The following RBM38 variants were observed in gnomAD, a reference collection of about 807,000 sequenced individuals.
RBM38 encodes RNA-binding protein 38.
Under a neutral mutation model 23.5 loss-of-function variants are expected in RBM38, and 11 were observed. The observed-to-expected ratio is 0.47, with a 90% CI of 0.29 to 0.77. The LOEUF is 0.77. Ranked by LOEUF, RBM38 falls within the 30% of genes least tolerant of loss-of-function variation. RBM38 has a pLI of 0.08. For synonymous variants in RBM38, 165 were observed against 166.1 expected (o/e 0.99, Z 0.05); for missense variants, 330 against 351.9 (o/e 0.94, Z 0.50).
intron 3 of RBM38, among the ~76,000 whole-genome samples, chr20:57,397,708 C>A (rs553972159): frequency 4.6e-5 from 7 of 152,332 alleles, no homozygotes; most frequent in African/African-American, 1.4e-4. Flanking sequence ...GGGAGAATGT[C>A]GACAGCTACT....
intron 3 of RBM38, among the ~76,000 whole-genome samples, chr20:57,403,443 G>A (rs6014990): frequency 0.048 from 7,250 of 152,178 alleles, 532 homozygotes; most frequent in African/African-American, 0.16. Flanking sequence ...GGTGTGGCCC[G>A]TGCTGTGCCT....
chr20:57,393,313 C>T lies in RBM38; in HGVS notation c.396C>T (p.Thr132=). 1 of 1,613,888 alleles carries T rather than the reference C, an allele frequency of 6.2e-7. No homozygotes were observed. Among genetic ancestry groups the T allele is most frequent in the Non-Finnish European group, 8.5e-7 (1 of 1,179,844 alleles). Residue 132 remains threonine, a synonymous_variant, in exon 3 of 4, where the codon ACC becomes ACT. Transcript: ENST00000356208. ...TTGGGGTGCAGCAGCTGCACCCCAC[C>T]TTGATCCAGCGGACTTACGGGTGAG... ...FAIGVQQLHP[T]LIQRTYGLTP... is the part of the protein sequence containing the mutation.
chr20:57,405,603 A>G (rs111428884), intron 3 of RBM38, among the ~76,000 whole-genome samples: 2 of 152,196 alleles, frequency 1.3e-5, no homozygotes, highest in African/African-American at 4.8e-5. Context: ...CTTCCCACAC[A>G]CTTCCCAGAT....
rs1224485122 is a variant in RBM38, at chr20:57,391,744, G to A, written c.163G>A (p.Glu55Lys). The A allele has an allele frequency of 1.3e-6, 2 of 1,568,398 alleles. No homozygotes were observed. The highest frequency in any genetic ancestry group is 1.7e-6 in the Non-Finnish European group (2 of 1,157,366). ...TTDASLRKYFEGFGDIEEAVV... is the reference protein window; with the variant it reads ...TTDASLRKYFKGFGDIEEAVV... ...CGACGCCTCGCTCAGGAAGTACTTCGAGGGCTTCGGCGACATCGAGGAGGC... is the reference window on the plus strand; with the variant it reads ...CGACGCCTCGCTCAGGAAGTACTTCAAGGGCTTCGGCGACATCGAGGAGGC... Residue 55 changes from glutamate to lysine, a missense_variant, in exon 1 of 4, where the codon GAG (glutamate) becomes AAG (lysine). By Grantham distance (56) the Glu-to-Lys change is moderately conservative. Transcript: ENST00000356208.
At position 57,391,800 on chromosome 20, in the gene RBM38, G is replaced by C; in HGVS notation, c.219G>C (p.Lys73Asn). Residue 73 changes from lysine to asparagine, a missense_variant, in exon 1 of 4, where the codon AAG becomes AAC. This residue lies in a region of RBM38 where 95 missense variants were observed against 111.9 expected (regional missense o/e 0.85). Transcript: ENST00000356208. The stretch of plus-strand genomic sequence containing the variant: ...TCATCACCGACCGCCAGACGGGCAA[G>C]TCCCGCGGCTACGGCTTCGTAAGTG... ...AVVITDRQTG[K>N]SRGYGFVTMA... 6.4e-7 allele frequency: 1 copy of C among 1,561,062 alleles called. No homozygotes were observed. Among genetic ancestry groups the C allele is most frequent in the Non-Finnish European group, 8.7e-7 (1 of 1,153,560 alleles).
intron 3 of RBM38, among the ~76,000 whole-genome samples, chr20:57,404,469 G>C (rs567957278): frequency 5.9e-5 from 9 of 151,768 alleles, no homozygotes; most frequent in Admixed American, 1.3e-4. Context: ...GAGCTGGGTC[G>C]GGGGGGCACT....
rs1054563198 is a variant in RBM38, at chr20:57,407,149, C to G, written c.417-394C>G. 6.6e-6 allele frequency among the ~76,000 whole-genome samples: 1 copy of G among 152,204 alleles called. No individual in the cohort carries two copies. Among genetic ancestry groups the G allele is most frequent in the Non-Finnish European group, 1.5e-5 (1 of 68,036 alleles). On this transcript the variant is annotated intron_variant, in intron 3 of 3. Coordinates refer to ENST00000356208, the MANE Select transcript of RBM38 (RefSeq NM_017495.6). The surrounding 1 kb of genome is among the most constrained non-coding windows in gnomAD (Gnocchi z 4.0). ...AGGGCTGGCCTCCCAGACATGCAAC[C>G]AGGACATTCGTACCGGGCCCTGCTC...
chr20:57,392,555 A>AGAG, intron 1 of RBM38, 99 bp from the exon 2 acceptor site: 1 of 1,515,944 alleles, frequency 6.6e-7, no homozygotes, highest in Non-Finnish European at 8.9e-7. Context: ...GAGGAAGGGA[A>AGAG]GAGAGGGGTG....
intron 1 of RBM38, 82 bp from the exon 2 acceptor site, chr20:57,392,572 T>A: frequency 6.6e-7 from 1 of 1,522,370 alleles, no homozygotes. Flanking sequence ...GGTGGCAGCA[T>A]CCGGTGCCAG....
intron 3 of RBM38, among the ~76,000 whole-genome samples, chr20:57,400,151 G>A (rs1427663896): frequency 6.6e-6 from 1 of 152,202 alleles, no homozygotes; most frequent in African/African-American, 2.4e-5. Context: ...GGGAAACAGA[G>A]GCCGGAGGGG....
At chr20:57,394,285 G>T (rs1262341451) in intron 3 of RBM38, among the ~76,000 whole-genome samples, 3 of 151,278 alleles carry the variant, frequency 2.0e-5, no homozygotes, top group Non-Finnish European at 4.4e-5. Context: ...GGGGCAGTGT[G>T]GACAAGGATC....
In RBM38 at chr20:57,391,707, G is replaced by A. The variant is rs1216948962; in HGVS notation, c.126G>A (p.Pro42=). The change falls in exon 1 of 4, where the codon CCG becomes CCA. Residue 42 remains proline, a synonymous_variant. Coordinates refer to ENST00000356208, the MANE Select transcript of RBM38 (RefSeq NM_017495.6). ...CCAAGATCTTCGTGGGCGGCCTGCC[G>A]TACCACACTACCGACGCCTCGCTCA... ...TFTKIFVGGL[P]YHTTDASLRK... The A allele has an allele frequency of 6.5e-7, 1 of 1,528,590 alleles. No individual in the cohort carries two copies. Among genetic ancestry groups the A allele is most frequent in the South Asian group, 1.2e-5 (1 of 82,092 alleles). 94.7% of individuals were successfully genotyped at this position (1,528,590 alleles called of 1,614,324 possible).
intron 2 of RBM38, chr20:57,393,041 A>C (rs761526491): frequency 2.6e-5 from 17 of 647,590 alleles, no homozygotes; most frequent in Non-Finnish European, 4.2e-5. Context: ...GGAAGTGGCC[A>C]TGGGGCCTGG....
At chr20:57,403,900 G>A (rs573880778) in intron 3 of RBM38, among the ~76,000 whole-genome samples, 61 of 152,318 alleles carry the variant, frequency 4.0e-4, no homozygotes, top group Non-Finnish European at 6.2e-4. Flanking sequence ...GATTACAGGC[G>A]TGAGCCACTG....
At chr20:57,401,298 C>G (rs1306316218) in intron 3 of RBM38, among the ~76,000 whole-genome samples, 1 of 152,176 alleles carries the variant, frequency 6.6e-6, no homozygotes, top group East Asian at 1.9e-4. Flanking sequence ...GATGAGGTCA[C>G]CCGGGGCCGC....
Position 57,407,705 on chromosome 20 carries a change from C to T in RBM38, c.579C>T (p.Ala193=), listed in dbSNP as rs572196610. The change falls in exon 4 of 4, where the codon GCC becomes GCT. Residue 193 remains alanine (A), a synonymous_variant. Transcript: ENST00000356208. This position sits in a 1 kb window ranked among gnomAD's most constrained non-coding sequence, Gnocchi z 4.0. ...CCACCTATGACCAGTACCCATACGC[C>T]GCCTCGCCTGCCACGGCTGCCAGCT... ...PPATYDQYPY[A]ASPATAASFV... is the part of the protein sequence containing the mutation. 14 of 1,612,130 alleles carry T rather than the reference C, an allele frequency of 8.7e-6. No individual in the cohort carries two copies. The highest frequency in any genetic ancestry group is 2.7e-5 in the African/African-American group (2 of 74,938).
intron 3 of RBM38, among the ~76,000 whole-genome samples, chr20:57,396,087 C>T (rs745600949): frequency 6.6e-5 from 10 of 152,348 alleles, no homozygotes; most frequent in South Asian, 2.1e-4. Context: ...GAATCTTCTT[C>T]GCCTGGCTGG....
In RBM38 at chr20:57,391,402, T is replaced by G. The variant is rs1350260056; in HGVS notation, c.-180T>G. 1 of 147,760 alleles carries G rather than the reference T, an allele frequency of 6.8e-6. No homozygotes were observed. Among genetic ancestry groups the G allele is most frequent in the African/African-American group, 2.5e-5 (1 of 40,564 alleles). 9.2% of individuals were successfully genotyped at this position (147,760 alleles called of 1,614,324 possible). A position where few individuals can be genotyped will look rare whatever the true frequency, so the allele number is the denominator to read the frequency against. On this transcript the variant is annotated 5_prime_UTR_variant, in exon 1 of 4. Coordinates refer to ENST00000356208, the MANE Select transcript of RBM38 (RefSeq NM_017495.6). ...CCGGGGGCGGTGCCGGGGCGCAGAG[T>G]CCCCGCAGCGCCGGTCGGGAGCGCA...
In RBM38 at chr20:57,407,427, G is replaced by A. The variant is rs1047204437; in HGVS notation, c.417-116G>A. ...GTGCTGTTTCTGTGCCCATCTGACC[G>A]ATGAGGAAAGTCGGGGCTCGGGGTG... is the stretch of plus-strand genomic sequence containing the variant. On this transcript the variant is annotated intron_variant, in intron 3 of 3. Transcript: ENST00000356208. The surrounding 1 kb of genome is among the most constrained non-coding windows in gnomAD (Gnocchi z 4.0). The A allele has an allele frequency of 1.8e-5, 22 of 1,210,764 alleles. No individual in the cohort carries two copies. The highest frequency in any genetic ancestry group is 2.6e-5 in the East Asian group (1 of 39,058). 75.0% of individuals were successfully genotyped at this position (1,210,764 alleles called of 1,614,324 possible).
Sources: gnomAD v4.1 joint callset for allele counts (sites outside exome capture counted in the v4.1 genomes callset) on GRCh38, gnomAD v4.1.1 for gene constraint, gnomAD v4.1.1 regional missense constraint, Gnocchi (gnomAD v3.1) non-coding constraint, MANE v1.5 for transcripts, NCBI Gene and HGNC (gene_info 2026-07-23, HGNC 2026-07-21) for gene names.